RIMS2: variants seen among roughly 807,000 people sequenced by gnomAD.
RIMS2 encodes regulating synaptic membrane exocytosis protein 2.
In RIMS2, 59 loss-of-function variants were observed where a neutral mutation model predicts 174.4. The observed-to-expected ratio is 0.34, with a 90% confidence interval of 0.27 to 0.42. The LOEUF (loss-of-function observed/expected upper bound fraction) is 0.42. Among genes scored for constraint, RIMS2 ranks in the 10% least tolerant of loss-of-function variants. The pLI is 1.00. For synonymous variants in RIMS2, 606 were observed against 572.5 expected (o/e 1.06, Z -0.84); for missense variants, 1,620 against 1,666.3 (o/e 0.97, Z 0.48).
intron 2 of RIMS2, among the ~76,000 whole-genome samples, chr8:103,755,264 C>T (rs1268646380): frequency 1.3e-5 from 2 of 152,126 alleles, no homozygotes; most frequent in Non-Finnish European, 2.9e-5. Context: ...GCCCCCACTC[C>T]GTTTTGGCTT....
Position 103,787,774 on chromosome 8 carries a change from T to C in RIMS2, c.698+21237T>C, listed in dbSNP as rs1335714771. ...TTGGAGTTGCTCTTCTCAAGGAGTA[T>C]CTTTGTGGCGTTCTCTGTATTTCCT... On this transcript the variant is annotated intron_variant, in intron 3 of 23. Coordinates refer to ENST00000504942, the Ensembl canonical transcript of RIMS2. 2.6e-5 allele frequency among the ~76,000 whole-genome samples: 4 copies of C among 152,166 alleles called. No homozygotes were observed. In the East Asian group the frequency reaches 5.8e-4, roughly 22 times the overall value.
chr8:103,726,535 A>T (rs1216999576), intron 2 of RIMS2, among the ~76,000 whole-genome samples: 2 of 151,708 alleles, frequency 1.3e-5, no homozygotes, highest in African/African-American at 4.8e-5. Flanking sequence ...CAATTTGTTT[A>T]GTCCTAAATA....
At chr8:103,712,167 CT>C (rs760792486) in intron 2 of RIMS2, among the ~76,000 whole-genome samples, 3,810 of 127,282 alleles carry the variant, frequency 0.03, 62 homozygotes, top group Middle Eastern at 0.059. Flanking sequence ...AATTTTTAAA[CT>C]TTTTTTTTTT....
At chr8:103,836,320 G>T (rs1369381845) in intron 3 of RIMS2, among the ~76,000 whole-genome samples, 1 of 152,174 alleles carries the variant, frequency 6.6e-6, no homozygotes, top group Non-Finnish European at 1.5e-5. Flanking sequence ...GGAAACCCGG[G>T]CAGCAGGATC....
Position 103,725,878 on chromosome 8 carries a change from G to A in RIMS2, c.387+28582G>A, listed in dbSNP as rs571662017. ...CTCACCAGCATTTGGTTGGGTTACT[G>A]GTTTGGCTTTTTATTTCCATTTTTC... On this transcript the variant is annotated intron_variant, in intron 2 of 23. Coordinates refer to ENST00000504942, the Ensembl canonical transcript of RIMS2. Among the ~76,000 whole-genome samples the A allele has an allele frequency of 5.9e-5, 9 of 152,242 alleles. No homozygotes were observed. In the South Asian group the frequency reaches 1.0e-3, roughly 18 times the overall value.
chr8:104,163,802 GA>G (rs2098779543), intron 19 of RIMS2, among the ~76,000 whole-genome samples: 1 of 152,122 alleles, frequency 6.6e-6, no homozygotes. Flanking sequence ...CTTTTTACTT[GA>G]AATTTCATAA....
intron 2 of RIMS2, among the ~76,000 whole-genome samples, chr8:103,762,107 C>T (rs958512637): frequency 7.1e-6 from 1 of 141,610 alleles, no homozygotes; most frequent in Non-Finnish European, 1.6e-5. Context: ...TTTGTATTTT[C>T]CTTAGTTTTT....
At chr8:103,744,881 A>G (rs1020537615) in intron 2 of RIMS2, among the ~76,000 whole-genome samples, 7 of 152,198 alleles carry the variant, frequency 4.6e-5, no homozygotes, top group Non-Finnish European at 7.3e-5. Flanking sequence ...CACTCTGACT[A>G]TACTTTTTTG....
intron 3 of RIMS2, among the ~76,000 whole-genome samples, chr8:103,859,256 G>A (rs1237540752): frequency 2.0e-5 from 3 of 152,098 alleles, no homozygotes; most frequent in Non-Finnish European, 2.9e-5. Context: ...TTCACTTTCC[G>A]TAATATAAAT....
In RIMS2 at chr8:104,018,265, G is replaced by T. The variant is rs1007829171; in HGVS notation, c.3334+3650G>T. The stretch of plus-strand genomic sequence containing the variant: ...GCAGGGGGAAGAAAAGCAGGGAGAA[G>T]AGGTCAAGGCAGGTCTGTCTGACTG... On this transcript the variant is annotated intron_variant, in intron 19 of 23. Transcript: ENST00000504942. Among the ~76,000 whole-genome samples, 5 of 152,156 alleles carry T rather than the reference G, an allele frequency of 3.3e-5. No individual in the cohort carries two copies. In the East Asian group the frequency reaches 5.8e-4, roughly 18 times the overall value.
chr8:103,609,890 G>T (rs2095307200), intron 1 of RIMS2, among the ~76,000 whole-genome samples: 1 of 152,178 alleles, frequency 6.6e-6, no homozygotes, highest in Admixed American at 6.5e-5. Flanking sequence ...AGTTTGATAA[G>T]AATAGCAGTG....
intron 3 of RIMS2, among the ~76,000 whole-genome samples, chr8:103,884,467 C>T (rs1251652658): frequency 6.6e-6 from 1 of 151,744 alleles, no homozygotes; most frequent in African/African-American, 2.4e-5. Flanking sequence ...AACAGGGTAT[C>T]ATGTCTTATT....
chr8:104,060,609 T>G (rs2096966190), intron 19 of RIMS2, among the ~76,000 whole-genome samples: 1 of 151,980 alleles, frequency 6.6e-6, no homozygotes, highest in Admixed American at 6.6e-5. Flanking sequence ...TGCCTTCTGC[T>G]AGCTTTTGAA....
intron 17 of RIMS2, among the ~76,000 whole-genome samples, chr8:104,011,382 G>A (rs1012421976): frequency 6.6e-5 from 10 of 151,570 alleles, no homozygotes; most frequent in Non-Finnish European, 1.3e-4. Flanking sequence ...TTGTATTTAC[G>A]GAGAAAAATA....
rs753461112 is a variant in RIMS2 at position 103,766,211 on chromosome 8, A to G, written c.388-16A>G. ...TTGGGAACACTAATTTTTTCCCCCT[A>G]TGTCTTCATGTGCAGGTTATGTGGG... On this transcript the variant is annotated splice_polypyrimidine_tract_variant and intron_variant, in intron 2 of 23. Coordinates refer to ENST00000504942, the Ensembl canonical transcript of RIMS2. 1.5e-5 allele frequency: 24 copies of G among 1,568,164 alleles called. No individual in the cohort carries two copies. The highest frequency in any genetic ancestry group is 1.2e-4 in the African/African-American group (9 of 73,044).
rs767476383 is a variant in RIMS2, at chr8:103,814,159, A to G, written c.698+47622A>G. On this transcript the variant is annotated intron_variant, in intron 3 of 23. Coordinates refer to ENST00000504942, the Ensembl canonical transcript of RIMS2. The stretch of plus-strand genomic sequence containing the variant: ...AACTGATACAGGAACAGAAAACCAA[A>G]TACTATATGTTCTCACTTATAAATG... 2.0e-4 allele frequency among the ~76,000 whole-genome samples: 31 copies of G among 152,172 alleles called. 1 individual carries two copies. Among genetic ancestry groups the G allele is most frequent in the Non-Finnish European group, 3.2e-4 (22 of 68,028 alleles).
At chr8:104,011,861 T>A (rs765716022) in intron 17 of RIMS2, among the ~76,000 whole-genome samples, 5 of 152,012 alleles carry the variant, frequency 3.3e-5, no homozygotes, top group African/African-American at 4.8e-5. Context: ...TACATAGATA[T>A]ACCCTTTGTT....
At chr8:104,084,693 T>C (rs926489574) in intron 19 of RIMS2, among the ~76,000 whole-genome samples, 4 of 152,296 alleles carry the variant, frequency 2.6e-5, no homozygotes, top group African/African-American at 7.2e-5. Context: ...GGTGAATATT[T>C]AGTATCATAA....
intron 1 of RIMS2, among the ~76,000 whole-genome samples, chr8:103,602,368 T>C (rs1306081035): frequency 1.3e-5 from 2 of 152,146 alleles, no homozygotes; most frequent in Non-Finnish European, 2.9e-5. Flanking sequence ...CTGCATGTCA[T>C]GGGGGTTTGT....
Sources: gnomAD v4.1 joint callset for allele counts (sites outside exome capture counted in the v4.1 genomes callset) on GRCh38, gnomAD v4.1.1 for gene constraint, MANE v1.5 for transcripts, NCBI Gene and HGNC (gene_info 2026-07-23, HGNC 2026-07-21) for gene names.